SOX5: variants seen among roughly 807,000 people sequenced by gnomAD.
The protein encoded by SOX5 is SRY-box transcription factor 5.
In SOX5, 9 loss-of-function variants were observed where a neutral mutation model predicts 92.0. The ratio of observed to expected loss-of-function variants is 0.10; its 90% CI spans 0.06 to 0.17. The LOEUF is 0.17. Ranked by LOEUF, SOX5 falls within the 10% of genes least tolerant of loss-of-function variation. The pLI, the probability that SOX5 is intolerant of heterozygous loss-of-function variation, is 1.00. For missense variants in SOX5, 642 were observed against 944.5 expected, an observed-to-expected ratio of 0.68 and a Z score of 4.20; for synonymous variants, 344 against 336.3, an observed-to-expected ratio of 1.02 and a Z score of -0.25.
chr12:24,524,206 C>A (rs774773134), intron 1 of SOX5, among the ~76,000 whole-genome samples: 6 of 152,202 alleles, frequency 3.9e-5, no homozygotes, highest in Non-Finnish European at 5.9e-5. Context: ...ACAACAGTTT[C>A]TCTGGTTCTG....
Position 23,860,967 on chromosome 12 carries a change from A to AC in SOX5, c.271-14775_271-14774insG, listed in dbSNP as rs969431615. ...GTATATTTTGTAAAAAAAAAAAAAA[A>AC]AAAAAAAAAAACCCTGCCAACATAG... On this transcript the variant is annotated intron_variant, in intron 2 of 14. Transcript: ENST00000451604. 1.8e-3 allele frequency among the ~76,000 whole-genome samples: 266 copies of AC among 149,420 alleles called. 6 individuals carry two copies. Among genetic ancestry groups the AC allele is most frequent in the Non-Finnish European group, 2.7e-4 (18 of 67,478 alleles).
intron 4 of SOX5, among the ~76,000 whole-genome samples, chr12:24,010,489 G>A (rs1569480804): frequency 6.6e-6 from 1 of 152,174 alleles, no homozygotes; most frequent in Non-Finnish European, 1.5e-5. Context: ...GGTAGCAGTT[G>A]CTTTGCCTAA....
At chr12:24,093,511 A>G (rs1293112658) in intron 4 of SOX5, among the ~76,000 whole-genome samples, 2 of 150,744 alleles carry the variant, frequency 1.3e-5, no homozygotes, top group Admixed American at 1.3e-4. Flanking sequence ...CGACAGGGCA[A>G]GACTCCGTCT....
rs903539021 is a variant in SOX5 at position 23,530,995 on chromosome 12, G to C, written c.*3224C>G. The C allele has an allele frequency of 1.3e-5, 2 of 152,016 alleles. No homozygotes were observed. The highest frequency in any genetic ancestry group is 6.6e-5 in the Admixed American group (1 of 15,256). 9.4% of individuals were successfully genotyped at this position (152,016 alleles called of 1,614,324 possible). Reference sequence around the variant, plus strand: ...TTATGGGGCACAGAAAAAGAATACAGGGTTTTAGGATCCTTTACCAAAATT... The same window carrying C: ...TTATGGGGCACAGAAAAAGAATACACGGTTTTAGGATCCTTTACCAAAATT... On this transcript the variant is annotated 3_prime_UTR_variant, in exon 15 of 15. Transcript: ENST00000451604.
At chr12:23,809,549 AT>A (rs1212583038) in intron 3 of SOX5, among the ~76,000 whole-genome samples, 1 of 151,686 alleles carries the variant, frequency 6.6e-6, no homozygotes, top group African/African-American at 2.4e-5. Flanking sequence ...TGATCTGTTT[AT>A]ATTATTCTTA....
At chr12:24,199,032 G>T (rs1957274770) in intron 4 of SOX5, among the ~76,000 whole-genome samples, 1 of 152,146 alleles carries the variant, frequency 6.6e-6, no homozygotes, top group African/African-American at 2.4e-5. Flanking sequence ...GGTCCGAGAG[G>T]CTGGGATGTC....
chr12:24,096,414 C>A (rs1945423447), intron 4 of SOX5, among the ~76,000 whole-genome samples: 1 of 152,078 alleles, frequency 6.6e-6, no homozygotes. Flanking sequence ...ACATTTACAC[C>A]ACCCCAGAAG....
chr12:23,707,937 T>A (rs1428493059), intron 6 of SOX5, among the ~76,000 whole-genome samples: 1 of 152,150 alleles, frequency 6.6e-6, no homozygotes, highest in Non-Finnish European at 1.5e-5. Flanking sequence ...CTGAGGATTT[T>A]TAATTCTTTT....
At chr12:23,758,624 T>C (rs1345559177) in intron 3 of SOX5, among the ~76,000 whole-genome samples, 1 of 151,992 alleles carries the variant, frequency 6.6e-6, no homozygotes, top group African/African-American at 2.4e-5. Flanking sequence ...ATTCTACCTA[T>C]TGGATCCCAA....
intron 4 of SOX5, among the ~76,000 whole-genome samples, chr12:24,028,874 A>G (rs879773184): frequency 2.6e-5 from 4 of 152,048 alleles, no homozygotes; most frequent in Non-Finnish European, 4.4e-5. Flanking sequence ...GGTTTAAAAT[A>G]TGGTTTTGTT....
chr12:24,056,143 A>T (rs367599198), intron 4 of SOX5, among the ~76,000 whole-genome samples: 242 of 152,320 alleles, frequency 1.6e-3, no homozygotes, highest in Middle Eastern at 0.01. Flanking sequence ...ATTTGTCATT[A>T]AAAAAATACA....
rs368102061 is a variant in SOX5, at chr12:23,592,147, C to T, written c.1164+12240G>A. Among the ~76,000 whole-genome samples, 140 of 152,128 alleles carry T rather than the reference C, an allele frequency of 9.2e-4. No individual in the cohort carries two copies. The Middle Eastern group carries it at 0.01, about 11-fold the overall frequency. On this transcript the variant is annotated intron_variant, in intron 9 of 14. Coordinates refer to ENST00000451604, the MANE Select transcript of SOX5 (RefSeq NM_006940.6). ...CAGAGCTTTAAGAAAATATAATTTG[C>T]GGTTTCGTGAAAATGTGAGGTTATT...
intron 1 of SOX5, among the ~76,000 whole-genome samples, chr12:23,929,758 T>C (rs1160859507): frequency 6.6e-6 from 1 of 151,940 alleles, no homozygotes; most frequent in Non-Finnish European, 1.5e-5. Context: ...GAAAACAATT[T>C]TTAGAACTAC....
chr12:24,137,923 T>C (rs575472168), intron 4 of SOX5, among the ~76,000 whole-genome samples: 1 of 152,346 alleles, frequency 6.6e-6, no homozygotes, highest in East Asian at 1.9e-4. Context: ...TGATATGCTA[T>C]ATCTTTTGAA....
At chr12:23,747,542 C>T (rs561205056) in intron 4 of SOX5, among the ~76,000 whole-genome samples, 1 of 152,196 alleles carries the variant, frequency 6.6e-6, no homozygotes, top group East Asian at 1.9e-4. Flanking sequence ...TGTCAATATG[C>T]TTCTATGAGT....
chr12:24,077,271 A>G (rs1481434732), intron 4 of SOX5, among the ~76,000 whole-genome samples: 1 of 152,102 alleles, frequency 6.6e-6, no homozygotes, highest in Non-Finnish European at 1.5e-5. Context: ...TCCCCGACAC[A>G]CCACACAGCC....
At chr12:24,270,260 C>A (rs1242657626) in intron 3 of SOX5, among the ~76,000 whole-genome samples, 1 of 151,930 alleles carries the variant, frequency 6.6e-6, no homozygotes. Context: ...AGGGTTTCAC[C>A]ATCTTAGCCA....
chr12:23,952,071 T>C (rs894265169), upstream of SOX5, among the ~76,000 whole-genome samples: 1 of 152,176 alleles, frequency 6.6e-6, no homozygotes, highest in Non-Finnish European at 1.5e-5. Flanking sequence ...TGCATAGCTA[T>C]ATACACTTTT....
chr12:24,138,781 C>A (rs1029103610), intron 4 of SOX5, among the ~76,000 whole-genome samples: 9 of 152,168 alleles, frequency 5.9e-5, no homozygotes, highest in African/African-American at 1.7e-4. Flanking sequence ...ATAAAAATTT[C>A]TCTCATCAAT....
Sources: allele counts gnomAD v4.1 joint callset (sites outside exome capture counted in the v4.1 genomes callset), GRCh38; gene constraint gnomAD v4.1.1; transcripts MANE v1.5; gene names NCBI Gene and HGNC (gene_info 2026-07-23, HGNC 2026-07-21).